RFX4: variants seen among roughly 807,000 people sequenced by gnomAD.
RFX4 encodes the protein transcription factor RFX4.
RFX4 carries 10 observed loss-of-function variants against 95.0 expected under a neutral mutation model. The observed-to-expected ratio is 0.11, with a 90% CI of 0.06 to 0.18. The LOEUF is 0.18. Ranked by LOEUF, RFX4 falls within the 10% of genes least tolerant of loss-of-function variation. The pLI is 1.00. For missense variants in RFX4, 640 were observed against 922.0 expected (o/e 0.69, Z 3.96); for synonymous variants, 321 against 340.7 (o/e 0.94, Z 0.64).
chr12:106,634,976 C>T (rs1034776843), intron 2 of RFX4, among the ~76,000 whole-genome samples: 2 of 152,196 alleles, frequency 1.3e-5, no homozygotes. Flanking sequence ...TCCCCAGTGC[C>T]TAGTTGGCAC....
chr12:106,700,992 C>T (rs866281633), intron 8 of RFX4, among the ~76,000 whole-genome samples: 5 of 152,176 alleles, frequency 3.3e-5, no homozygotes, highest in African/African-American at 1.2e-4. Context: ...TCCAACTCAT[C>T]GGTGTAATAT....
intron 17 of RFX4, among the ~76,000 whole-genome samples, chr12:106,752,353 A>T (rs572022912): frequency 6.6e-6 from 1 of 152,180 alleles, no homozygotes; most frequent in East Asian, 1.9e-4. Flanking sequence ...CAGTCTTTTC[A>T]TCAGTGTCAT....
intron 15 of RFX4, among the ~76,000 whole-genome samples, chr12:106,736,579 T>C (rs1177065065): frequency 2.6e-5 from 4 of 152,170 alleles, no homozygotes; most frequent in East Asian, 3.9e-4. Context: ...CTTCCACTTA[T>C]ATTCCATCAG....
At chr12:106,615,932 T>C (rs2040063377) in intron 2 of RFX4, among the ~76,000 whole-genome samples, 1 of 152,216 alleles carries the variant, frequency 6.6e-6, no homozygotes, top group African/African-American at 2.4e-5. Flanking sequence ...CACCTTCCTT[T>C]ATAATCTTTG....
intron 7 of RFX4, among the ~76,000 whole-genome samples, chr12:106,693,926 A>AC (rs1018067295): frequency 6.6e-6 from 1 of 152,210 alleles, no homozygotes; most frequent in African/African-American, 2.4e-5. Flanking sequence ...CACTAGAAGC[A>AC]CTTTTTAGAA....
At chr12:106,754,062 G>A (rs1302920516) in intron 17 of RFX4, among the ~76,000 whole-genome samples, 1 of 152,158 alleles carries the variant, frequency 6.6e-6, no homozygotes, top group African/African-American at 2.4e-5. Context: ...TCTGAGGGAG[G>A]ACACCAAGGA....
At chr12:106,679,274 A>C (rs1323183116) in intron 4 of RFX4, among the ~76,000 whole-genome samples, 2 of 152,174 alleles carry the variant, frequency 1.3e-5, no homozygotes, top group East Asian at 3.9e-4. Context: ...CCTGGCCAAC[A>C]TGGCGAAACC....
chr12:106,696,240 C>G (rs1324707742), intron 7 of RFX4, 43 bp from the exon 8 acceptor site: 1 of 1,608,702 alleles, frequency 6.2e-7, no homozygotes, highest in African/African-American at 1.3e-5. Flanking sequence ...GTTGGGAGGG[C>G]CCTGGGTAAC....
At chr12:106,751,427 T>A (rs1323072432) in intron 17 of RFX4, among the ~76,000 whole-genome samples, 4 of 151,414 alleles carry the variant, frequency 2.6e-5, no homozygotes, top group Non-Finnish European at 2.9e-5. Flanking sequence ...AGCAGCATGA[T>A]TTATAGTCCT....
chr12:106,590,864 T>C (rs762393061), intron 1 of RFX4, among the ~76,000 whole-genome samples: 68 of 152,100 alleles, frequency 4.5e-4, no homozygotes, highest in Admixed American at 1.7e-3. Flanking sequence ...GGAGGATCAC[T>C]TGAGCCCAGG....
chr12:106,608,725 ACACC>A, intron 1 of RFX4, 68 bp from the exon 2 acceptor site: 1 of 1,372,428 alleles, frequency 7.3e-7, no homozygotes, highest in Non-Finnish European at 9.8e-7. Context: ...CTCTTCACAA[ACACC>A]CACAGCAATT....
chr12:106,647,935 T>A (rs1041866183), intron 3 of RFX4, among the ~76,000 whole-genome samples: 12 of 152,008 alleles, frequency 7.9e-5, no homozygotes, highest in Admixed American at 7.2e-4. Context: ...GGATTCAAAG[T>A]CAGTGATCTC....
At chr12:106,732,630 G>A (rs2042634790) in intron 14 of RFX4, among the ~76,000 whole-genome samples, 1 of 152,116 alleles carries the variant, frequency 6.6e-6, no homozygotes, top group Non-Finnish European at 1.5e-5. Flanking sequence ...AACCCGGGAG[G>A]CAGAGGTTGC....
rs2043223308 is a variant in RFX4, at chr12:106,762,564, A to G, written c.*1095A>G. The stretch of plus-strand genomic sequence containing the variant: ...TTTGTGAGGTTTGTTAGAGATTAAT[A>G]TAGGTTTTCTTTCTGTATTATAAAA... On this transcript the variant is annotated 3_prime_UTR_variant, in exon 18 of 18. Transcript: ENST00000392842. The G allele has an allele frequency of 6.6e-6, 1 of 152,594 alleles. No individual in the cohort carries two copies. The highest frequency in any genetic ancestry group is 1.5e-5 in the Non-Finnish European group (1 of 68,036). 9.5% of individuals were successfully genotyped at this position (152,594 alleles called of 1,614,324 possible). A position where few individuals can be genotyped will look rare whatever the true frequency, so the allele number is the denominator to read the frequency against.
At chr12:106,607,810 A>G (rs913254596) in intron 1 of RFX4, among the ~76,000 whole-genome samples, 1 of 152,184 alleles carries the variant, frequency 6.6e-6, no homozygotes, top group African/African-American at 2.4e-5. Context: ...TAGAAAACAG[A>G]ATAAGTATTA....
intron 15 of RFX4, among the ~76,000 whole-genome samples, chr12:106,736,467 G>C (rs1015688276): frequency 1.3e-5 from 2 of 152,166 alleles, no homozygotes; most frequent in Non-Finnish European, 2.9e-5. Flanking sequence ...CACTGCCTGA[G>C]GGCTTTGTTA....
intron 7 of RFX4, among the ~76,000 whole-genome samples, chr12:106,689,943 G>A (rs978335817): frequency 2.0e-5 from 3 of 152,018 alleles, no homozygotes; most frequent in African/African-American, 7.3e-5. Flanking sequence ...AAGGATGGGA[G>A]AACAATAACC....
intron 4 of RFX4, among the ~76,000 whole-genome samples, chr12:106,672,944 C>T (rs570743812): frequency 1.3e-5 from 2 of 152,126 alleles, no homozygotes; most frequent in East Asian, 3.9e-4. Flanking sequence ...CTACTCACAG[C>T]AAACTCCCTT....
At chr12:106,640,306 G>A (rs1343320508) in intron 3 of RFX4, among the ~76,000 whole-genome samples, 3 of 152,172 alleles carry the variant, frequency 2.0e-5, no homozygotes, top group East Asian at 3.8e-4. Context: ...TCATGCTTGC[G>A]AAGAAAGGAA....
Sources: gnomAD v4.1 joint callset for allele counts (sites outside exome capture counted in the v4.1 genomes callset) on GRCh38, gnomAD v4.1.1 for gene constraint, MANE v1.5 for transcripts, NCBI Gene and HGNC (gene_info 2026-07-23, HGNC 2026-07-21) for gene names.